Variants in MACROD2 observed in about 807,000 individuals in gnomAD.
The protein encoded by MACROD2 is mono-ADP ribosylhydrolase 2.
A neutral mutation model predicts 70.4 loss-of-function variants in MACROD2; 36 were observed. The ratio of observed to expected loss-of-function variants is 0.51; its 90% CI spans 0.39 to 0.68. The LOEUF is 0.68. Ranked by LOEUF, MACROD2 falls within the 30% of genes least tolerant of loss-of-function variation. The pLI is 0.00. For synonymous variants in MACROD2, 172 were observed against 178.8 expected, an observed-to-expected ratio of 0.96 and a Z score of 0.30; for missense variants, 496 against 538.4, an observed-to-expected ratio of 0.92 and a Z score of 0.78.
chr20:15,123,688 C>T (rs2076046860), intron 5 of MACROD2, among the ~76,000 whole-genome samples: 1 of 152,136 alleles, frequency 6.6e-6, no homozygotes, highest in South Asian at 2.1e-4. Context: ...AGTGTGACTT[C>T]AGACATTTCA....
Position 14,886,949 on chromosome 20 carries a change from G to A in MACROD2, c.418+201990G>A, listed in dbSNP as rs530014455. On this transcript the variant is annotated intron_variant, in intron 5 of 17. Coordinates refer to ENST00000684519, the MANE Select transcript of MACROD2 (RefSeq NM_001351661.2). ...GGCGTCTCTAGTGGGGAATTTTAGG[G>A]CTGTCTGTGGGACCACAAGATGATC... Among the ~76,000 whole-genome samples, 18 of 152,218 alleles carry A rather than the reference G, an allele frequency of 1.2e-4. No homozygotes were observed. In the East Asian group the frequency reaches 3.5e-3, roughly 29 times the overall value.
At chr20:15,221,475 C>G (rs147689842) in intron 5 of MACROD2, among the ~76,000 whole-genome samples, 9 of 152,256 alleles carry the variant, frequency 5.9e-5, no homozygotes, top group Middle Eastern at 3.4e-3. Context: ...ATGCAGATGC[C>G]CCCAATACCC....
intron 8 of MACROD2, among the ~76,000 whole-genome samples, chr20:15,806,425 G>A (rs565673277): frequency 1.3e-5 from 2 of 152,298 alleles, no homozygotes; most frequent in East Asian, 1.9e-4. Flanking sequence ...CACCTTTCAA[G>A]TGTCTGAAAG....
At chr20:15,430,656 G>A (rs2046353113) in intron 6 of MACROD2, among the ~76,000 whole-genome samples, 1 of 151,928 alleles carries the variant, frequency 6.6e-6, no homozygotes, top group African/African-American at 2.4e-5. Context: ...GGCATAAGCA[G>A]TACTGTGCTG....
intron 5 of MACROD2, among the ~76,000 whole-genome samples, chr20:14,796,395 A>T (rs1166983068): frequency 6.6e-6 from 1 of 152,124 alleles, no homozygotes; most frequent in Non-Finnish European, 1.5e-5. Context: ...GAGGTACTTC[A>T]TCTGAATAAC....
rs189451250 is a variant in MACROD2, at chr20:14,908,421, G to A, written c.418+223462G>A. ...TATAATCCCAGCACTTTGGGAGGCC[G>A]AGGTGGGCAGATCACCTGAGGCCAG... On this transcript the variant is annotated intron_variant, in intron 5 of 17. Coordinates refer to ENST00000684519, the MANE Select transcript of MACROD2 (RefSeq NM_001351661.2). 1.2e-3 allele frequency among the ~76,000 whole-genome samples: 181 copies of A among 152,258 alleles called. 2 individuals carry two copies. Among genetic ancestry groups the A allele is most frequent in the African/African-American group, 4.0e-3 (166 of 41,560 alleles).
intron 5 of MACROD2, among the ~76,000 whole-genome samples, chr20:15,063,736 A>G (rs1310234871): frequency 1.3e-5 from 2 of 152,282 alleles, no homozygotes; most frequent in African/African-American, 4.8e-5. Flanking sequence ...TGGGTTGACA[A>G]TTTGATGTTT....
chr20:14,366,520 C>G (rs1490431332), intron 3 of MACROD2, among the ~76,000 whole-genome samples: 1 of 152,014 alleles, frequency 6.6e-6, no homozygotes, highest in African/African-American at 2.4e-5. Context: ...GCACGCACCA[C>G]CACACCCGGC....
At chr20:14,744,486 A>G (rs988596214) in intron 5 of MACROD2, among the ~76,000 whole-genome samples, 1 of 151,946 alleles carries the variant, frequency 6.6e-6, no homozygotes, top group Admixed American at 6.5e-5. Context: ...ACACTGTCTT[A>G]GCTTTTTTTC....
chr20:14,853,362 G>C (rs2073220255), intron 5 of MACROD2, among the ~76,000 whole-genome samples: 1 of 152,016 alleles, frequency 6.6e-6, no homozygotes, highest in Non-Finnish European at 1.5e-5. Flanking sequence ...GGAAGAGTTA[G>C]GTTGCATAGG....
At chr20:14,416,764 C>A (rs1015930163) in intron 3 of MACROD2, among the ~76,000 whole-genome samples, 9 of 152,172 alleles carry the variant, frequency 5.9e-5, no homozygotes, top group African/African-American at 2.2e-4. Context: ...GCTAATTTAG[C>A]AATCCTAGGC....
intron 8 of MACROD2, among the ~76,000 whole-genome samples, chr20:15,696,640 T>C (rs1406319592): frequency 1.3e-5 from 2 of 151,712 alleles, no homozygotes; most frequent in Non-Finnish European, 2.9e-5. Context: ...TTTTTGAATG[T>C]CTGGTAGAAT....
chr20:15,673,238 C>A (rs1462469977), intron 8 of MACROD2, among the ~76,000 whole-genome samples: 1 of 152,168 alleles, frequency 6.6e-6, no homozygotes. Flanking sequence ...CCCACCCTGA[C>A]CTTTTCAGAT....
At chr20:16,008,937 C>T (rs1601316566) in intron 15 of MACROD2, among the ~76,000 whole-genome samples, 1 of 152,162 alleles carries the variant, frequency 6.6e-6, no homozygotes, top group South Asian at 2.1e-4. Flanking sequence ...CCTCTAAGTG[C>T]GCCCAAGCTA....
At chr20:15,742,318 T>C (rs1249146196) in intron 8 of MACROD2, among the ~76,000 whole-genome samples, 1 of 152,142 alleles carries the variant, frequency 6.6e-6, no homozygotes, top group Non-Finnish European at 1.5e-5. Flanking sequence ...CATTAAGCTG[T>C]CTACAGAAGC....
In MACROD2 at chr20:15,135,516, C is replaced by T. The variant is rs566305121; in HGVS notation, c.419-94424C>T. Among the ~76,000 whole-genome samples the T allele has an allele frequency of 2.1e-4, 29 of 140,614 alleles. No homozygotes were observed. In the East Asian group the frequency reaches 3.5e-3, roughly 17 times the overall value. The allele number at this position is 140,614 out of a possible 152,430, so 92.2% of individuals were successfully genotyped here. Reference sequence around the variant, plus strand: ...AAGGCCTTTGACAAAATTCAACAACCCTTCATGCTAAAAACTCTCAATAAA... The same window carrying T: ...AAGGCCTTTGACAAAATTCAACAACTCTTCATGCTAAAAACTCTCAATAAA... On this transcript the variant is annotated intron_variant, in intron 5 of 17. Transcript: ENST00000684519.
At chr20:15,637,292 G>A (rs1468158686) in intron 8 of MACROD2, among the ~76,000 whole-genome samples, 1 of 152,236 alleles carries the variant, frequency 6.6e-6, no homozygotes, top group Non-Finnish European at 1.5e-5. Flanking sequence ...ATAGGGGTAA[G>A]TGTGAAATCA....
chr20:15,848,458 A>G (rs1322723778), intron 8 of MACROD2, among the ~76,000 whole-genome samples: 3 of 152,182 alleles, frequency 2.0e-5, no homozygotes, highest in South Asian at 4.1e-4. Flanking sequence ...TAGATACTAC[A>G]TTACTAAAAG....
chr20:15,428,569 T>A (rs6034186), intron 6 of MACROD2, among the ~76,000 whole-genome samples: 9 of 151,968 alleles, frequency 5.9e-5, no homozygotes, highest in Admixed American at 5.2e-4. Flanking sequence ...AAACACACCT[T>A]GTTAAACTAA....
Sources: gnomAD v4.1 joint callset for allele counts (sites outside exome capture counted in the v4.1 genomes callset) on GRCh38, gnomAD v4.1.1 for gene constraint, MANE v1.5 for transcripts, NCBI Gene and HGNC (gene_info 2026-07-23, HGNC 2026-07-21) for gene names.